The following DNAH6 variants were observed in gnomAD, a reference collection of about 807,000 sequenced individuals.
DNAH6 encodes the protein axonemal beta dynein heavy chain 6.
DNAH6 carries 340 observed loss-of-function variants against 491.4 expected under a neutral mutation model. That is an observed-to-expected ratio of 0.69 (90% confidence interval 0.63 to 0.76). The LOEUF (loss-of-function observed/expected upper bound fraction) is 0.76. Ranked by LOEUF, DNAH6 falls within the 30% of genes least tolerant of loss-of-function variation. The pLI, the probability that DNAH6 is intolerant of heterozygous loss-of-function variation, is 0.00. For missense variants in DNAH6, 4,443 were observed against 4,972.2 expected (o/e 0.89, Z 3.20); for synonymous variants, 1,603 against 1,686.1 (o/e 0.95, Z 1.21).
chr2:84,578,611 T>G (rs1347941769), intron 13 of DNAH6, among the ~76,000 whole-genome samples: 1 of 152,208 alleles, frequency 6.6e-6, no homozygotes, highest in Admixed American at 6.5e-5. Context: ...AAGCCAATTA[T>G]TTGTTTGTAT....
intron 10 of DNAH6, among the ~76,000 whole-genome samples, chr2:84,556,411 A>G (rs1680028657): frequency 6.6e-6 from 1 of 152,182 alleles, no homozygotes; most frequent in African/African-American, 2.4e-5. Context: ...TAAATGACTC[A>G]CCTGCCTGCC....
intron 31 of DNAH6, among the ~76,000 whole-genome samples, chr2:84,639,022 A>G (rs929190387): frequency 1.2e-4 from 19 of 152,166 alleles, no homozygotes; most frequent in Non-Finnish European, 2.8e-4. Context: ...GACACCTCCC[A>G]TCAGCCCCCA....
chr2:84,511,039 G>T, the DNAH6 span, among the ~76,000 whole-genome samples: 1 of 152,172 alleles, frequency 6.6e-6, no homozygotes, highest in Admixed American at 6.6e-5. Flanking sequence ...ACTTGAGGAG[G>T]CAGTCTGTCC....
rs779204015 is a variant in DNAH6 at position 84,568,469 on chromosome 2, C to T, written c.1804-4998C>T. 2.0e-5 allele frequency among the ~76,000 whole-genome samples: 3 copies of T among 152,054 alleles called. No individual in the cohort carries two copies. In the East Asian group the frequency reaches 5.8e-4, roughly 29 times the overall value. The stretch of plus-strand genomic sequence containing the variant: ...TATCCTCAGCAAACTAACACAGAAA[C>T]AGAAAACACCATGTATTCTCACTTA... On this transcript the variant is annotated intron_variant, in intron 11 of 76. Coordinates refer to ENST00000389394, the MANE Select transcript of DNAH6 (RefSeq NM_001370.2).
At chr2:84,722,505 T>G (rs1403464663) in intron 59 of DNAH6, 120 bp from the exon 60 acceptor site, 4 of 828,840 alleles carry the variant, frequency 4.8e-6, no homozygotes. Flanking sequence ...GGACCCCTTA[T>G]TATAATCACC....
intron 64 of DNAH6, chr2:84,777,644 C>T: frequency 1.2e-6 from 1 of 809,196 alleles, no homozygotes; most frequent in South Asian, 1.3e-5. Flanking sequence ...ATTCACTCCA[C>T]TCCATACAGG....
chr2:84,543,047 T>G (rs1008555622), intron 4 of DNAH6, among the ~76,000 whole-genome samples: 2 of 152,144 alleles, frequency 1.3e-5, no homozygotes, highest in African/African-American at 4.8e-5. Context: ...TAATCCCACT[T>G]ACTCCAGAGG....
chr2:84,792,590 C>T (rs1449917347), intron 68 of DNAH6, among the ~76,000 whole-genome samples: 1 of 152,040 alleles, frequency 6.6e-6, no homozygotes, highest in Non-Finnish European at 1.5e-5. Context: ...GTGTATGGGA[C>T]ATGGCACTAC....
chr2:84,579,420 G>A, intron 13 of DNAH6, 107 bp from the exon 14 acceptor site: 1 of 1,237,578 alleles, frequency 8.1e-7, no homozygotes, highest in Non-Finnish European at 1.1e-6. Flanking sequence ...ATTCACTGCT[G>A]CTTCCAATGC....
chr2:84,662,789 G>A (rs1262541242), intron 37 of DNAH6, among the ~76,000 whole-genome samples: 1 of 152,220 alleles, frequency 6.6e-6, no homozygotes, highest in African/African-American at 2.4e-5. Context: ...AGATCTGACA[G>A]CAGACAGACT....
intron 47 of DNAH6, among the ~76,000 whole-genome samples, chr2:84,698,399 C>A (rs922604664): frequency 4.6e-5 from 7 of 152,092 alleles, no homozygotes; most frequent in African/African-American, 1.7e-4. Context: ...ATTGGAAGGG[C>A]CAAAGAAAGA....
In DNAH6 at chr2:84,733,509, G is replaced by A. The variant is rs866961766; in HGVS notation, c.10272G>A (p.Leu3424=). The A allele has an allele frequency of 3.2e-6, 5 of 1,551,444 alleles. No homozygotes were observed. The South Asian group carries it at 3.6e-5, about 11-fold the overall frequency. ...PTATWFACCD[L]EESFPVFHGL... ...CTACATGGTTCGCATGCTGTGACTT[G>A]GAAGAATCATTTCCAGTTTTTCACG... is the stretch of plus-strand genomic sequence containing the variant. The change falls in exon 62 of 77, where the codon TTG becomes TTA. Residue 3424 remains leucine (L), a synonymous_variant. Coordinates refer to ENST00000389394, the MANE Select transcript of DNAH6 (RefSeq NM_001370.2).
chr2:84,487,855 T>C, the DNAH6 span, among the ~76,000 whole-genome samples: 1 of 152,316 alleles, frequency 6.6e-6, no homozygotes, highest in Non-Finnish European at 1.5e-5. Flanking sequence ...TCTTTGGACC[T>C]GGTACCAAGT....
At chr2:84,589,528 A>G (rs1039362885) in intron 16 of DNAH6, among the ~76,000 whole-genome samples, 2 of 152,048 alleles carry the variant, frequency 1.3e-5, no homozygotes, top group Non-Finnish European at 2.9e-5. Context: ...CCTGACCAAC[A>G]TAGTGAAACC....
chr2:84,498,171 C>G, the DNAH6 span, among the ~76,000 whole-genome samples: 1 of 152,228 alleles, frequency 6.6e-6, no homozygotes, highest in South Asian at 2.1e-4. Context: ...AGACTAGATA[C>G]TACAGCTGGG....
chr2:84,525,035 A>C (rs909224166), intron 2 of DNAH6, among the ~76,000 whole-genome samples: 1 of 152,132 alleles, frequency 6.6e-6, no homozygotes, highest in African/African-American at 2.4e-5. Flanking sequence ...TAAACTCATA[A>C]TGCTTAGTAA....
At chr2:84,759,427 T>A (rs1674356937) in intron 63 of DNAH6, among the ~76,000 whole-genome samples, 1 of 152,106 alleles carries the variant, frequency 6.6e-6, no homozygotes, top group African/African-American at 2.4e-5. Context: ...GAGAACTGCT[T>A]GAACCCAGGA....
At chr2:84,504,054 A>T in the DNAH6 span, among the ~76,000 whole-genome samples, 1 of 151,678 alleles carries the variant, frequency 6.6e-6, no homozygotes, top group African/African-American at 2.4e-5. Flanking sequence ...CCTTTTGGGG[A>T]CTATTTTTTA....
chr2:84,726,219 G>T (rs1698613682), intron 60 of DNAH6, among the ~76,000 whole-genome samples: 1 of 152,170 alleles, frequency 6.6e-6, no homozygotes, highest in South Asian at 2.1e-4. Context: ...CTAGCTGCCA[G>T]TCTGTTTTGA....
Sources: gnomAD v4.1 joint callset for allele counts (sites outside exome capture counted in the v4.1 genomes callset) on GRCh38, gnomAD v4.1.1 for gene constraint, MANE v1.5 for transcripts, NCBI Gene and HGNC (gene_info 2026-07-23, HGNC 2026-07-21) for gene names.